The following PDE5A variants were observed in gnomAD, a reference collection of about 807,000 sequenced individuals.
PDE5A encodes cGMP-specific 3',5'-cyclic phosphodiesterase.
A neutral mutation model predicts 110.2 loss-of-function variants in PDE5A; 67 were observed. The ratio of observed to expected loss-of-function variants is 0.61; its 90% CI spans 0.50 to 0.75. The LOEUF is 0.75. Ranked by LOEUF, PDE5A falls within the 30% of genes least tolerant of loss-of-function variation. The pLI is 0.00. For synonymous variants in PDE5A, 328 were observed against 351.2 expected (o/e 0.93, Z 0.74); for missense variants, 862 against 1,045.1 (o/e 0.82, Z 2.42).
At chr4:119,550,079 G>A (rs998047051) in intron 9 of PDE5A, 1 of 152,138 alleles carries the variant, frequency 6.6e-6, no homozygotes, top group African/African-American at 2.4e-5. Flanking sequence ...TACAACTGTA[G>A]GTACATAAGT....
At chr4:119,552,445 A>T in intron 9 of PDE5A, 105 bp downstream of exon 9, 1 of 437,496 alleles carries the variant, frequency 2.3e-6, no homozygotes, top group Non-Finnish European at 4.1e-6. Context: ...TCCAAATTTT[A>T]TCTTTTTTAA....
chr4:119,562,114 T>C (rs1727764307), intron 6 of PDE5A, among the ~76,000 whole-genome samples: 1 of 152,164 alleles, frequency 6.6e-6, no homozygotes, highest in South Asian at 2.1e-4. Flanking sequence ...CAGTGGTTCA[T>C]AGGTTGAGAA....
chr4:119,553,815 A>G (rs983589950), intron 7 of PDE5A, 69 bp from the exon 8 acceptor site: 3 of 784,452 alleles, frequency 3.8e-6, no homozygotes, highest in African/African-American at 3.5e-5. Flanking sequence ...AGTTAAATAA[A>G]TGATTAAGGG....
At chr4:119,505,978 G>T in intron 16 of PDE5A, 46 bp from the exon 17 acceptor site, 1 of 1,069,074 alleles carries the variant, frequency 9.4e-7, no homozygotes, top group South Asian at 1.6e-5. Context: ...AGTACCCAGG[G>T]TCTTATCCCT....
At position 119,607,104 on chromosome 4, in the gene PDE5A, T is replaced by C; in HGVS notation, c.346A>G (p.Lys116Glu). The change falls in exon 2 of 21, where the codon AAG becomes GAG. Residue 116 changes from lysine (K) to glutamate (E), a missense_variant. By Grantham distance (56) the Lys-to-Glu change is moderately conservative. Transcript: ENST00000354960. ...AAGCTCACAGTTCCCTCAGAATCCT[T>C]GACAACAATGGGTCTAAGAGGCCGG... is the stretch of plus-strand genomic sequence containing the variant. The part of the protein sequence containing the change: ...FDRPLRPIVV[K>E]DSEGTVSFLS... 3 of 1,614,184 alleles carry C rather than the reference T, an allele frequency of 1.9e-6. No homozygotes were observed. Among genetic ancestry groups the C allele is most frequent in the Non-Finnish European group, 1.7e-6 (2 of 1,180,024 alleles).
At chr4:119,506,056 G>C (rs1725543035) in intron 16 of PDE5A, 124 bp from the exon 17 acceptor site, 2 of 473,262 alleles carry the variant, frequency 4.2e-6, no homozygotes, top group East Asian at 7.1e-5. Flanking sequence ...TCCCATCTTA[G>C]AGCCCACTAT....
At chr4:119,546,646 A>T in intron 9 of PDE5A, among the ~76,000 whole-genome samples, 1 of 75,872 alleles carries the variant, frequency 1.3e-5, no homozygotes, top group Middle Eastern at 7.9e-3. Flanking sequence ...CAACCTCCCC[A>T]CCCCCACCCA....
intron 3 of PDE5A, among the ~76,000 whole-genome samples, chr4:119,595,583 G>A (rs1293345329): frequency 3.3e-5 from 5 of 152,086 alleles, no homozygotes; most frequent in African/African-American, 7.2e-5. Context: ...CTCTCTCTTC[G>A]GAAGCTGGGA....
chr4:119,502,350 A>G (rs1725376880), intron 19 of PDE5A: 1 of 328,812 alleles, frequency 3.0e-6, no homozygotes, highest in Non-Finnish European at 5.5e-6. Flanking sequence ...AAAAAAACAA[A>G]TTACAAAGAA....
chr4:119,515,359 T>A (rs1725874509), intron 14 of PDE5A, among the ~76,000 whole-genome samples: 2 of 152,152 alleles, frequency 1.3e-5, no homozygotes, highest in African/African-American at 4.8e-5. Context: ...CTGTCCTCTA[T>A]TAGAGCAGAG....
chr4:119,525,444 A>G lies in PDE5A; in HGVS notation c.1779+105T>C. 9.3e-7 allele frequency: 1 copy of G among 1,072,670 alleles called. No individual in the cohort carries two copies. Among genetic ancestry groups the G allele is most frequent in the Non-Finnish European group, 1.3e-6 (1 of 749,916 alleles). 66.4% of individuals were successfully genotyped at this position (1,072,670 alleles called of 1,614,324 possible). On this transcript the variant is annotated intron_variant, in intron 12 of 20. Transcript: ENST00000354960. The surrounding 1 kb of genome is among the most constrained non-coding windows in gnomAD (Gnocchi z 4.3). ...AGGTGACAGTATATTAATCACTAAA[A>G]TGTAAAAATCCCTATTCCATATTTG...
chr4:119,579,791 GTAAC>G (rs1406111570), intron 3 of PDE5A, among the ~76,000 whole-genome samples: 1 of 151,634 alleles, frequency 6.6e-6, no homozygotes, highest in East Asian at 1.9e-4. Flanking sequence ...GTATACATAT[GTAAC>G]TAACCTGCAT....
intron 1 of PDE5A, among the ~76,000 whole-genome samples, chr4:119,609,105 T>A (rs562371574): frequency 4.0e-4 from 61 of 151,344 alleles, no homozygotes; most frequent in Non-Finnish European, 6.2e-4. Flanking sequence ...GAGCTTGGAG[T>A]GAGCTGAGAT....
chr4:119,554,605 T>C (rs911798564), intron 7 of PDE5A, among the ~76,000 whole-genome samples: 1 of 152,130 alleles, frequency 6.6e-6, no homozygotes, highest in African/African-American at 2.4e-5. Flanking sequence ...CTTATTTTAA[T>C]TGTAATATCA....
rs199561338 is a variant in PDE5A, at chr4:119,589,617, CT to C, written c.831+6905del. Among the ~76,000 whole-genome samples the C allele has an allele frequency of 5.5e-3, 828 of 151,838 alleles. 4 individuals carry two copies. Among genetic ancestry groups the C allele is most frequent in the African/African-American group, 0.019 (793 of 41,410 alleles). On this transcript the variant is annotated intron_variant, in intron 3 of 20. Transcript: ENST00000354960. ...GCCGTAAAAATTCACATACCTGTAA[CT>C]TTTTTTTTCATTATGCTTCATTTGT...
intron 3 of PDE5A, among the ~76,000 whole-genome samples, chr4:119,581,665 C>A (rs150679507): frequency 1.2e-3 from 189 of 152,278 alleles, no homozygotes; most frequent in Non-Finnish European, 2.0e-3. Flanking sequence ...AAAGACATGA[C>A]CTCTTCTCCA....
At chr4:119,616,951 GATTAA>G (rs1175493823) in intron 1 of PDE5A, among the ~76,000 whole-genome samples, 5 of 152,084 alleles carry the variant, frequency 3.3e-5, no homozygotes, top group Non-Finnish European at 5.9e-5. Flanking sequence ...TTAAGTTAAT[GATTAA>G]ATTAAATAGT....
chr4:119,614,992 C>T (rs1368584946), intron 1 of PDE5A, among the ~76,000 whole-genome samples: 1 of 152,128 alleles, frequency 6.6e-6, no homozygotes, highest in African/African-American at 2.4e-5. Flanking sequence ...GAATATTAGA[C>T]TAACAATCAG....
At chr4:119,577,662 A>T (rs1350372808) in intron 3 of PDE5A, among the ~76,000 whole-genome samples, 1 of 152,186 alleles carries the variant, frequency 6.6e-6, no homozygotes, top group Non-Finnish European at 1.5e-5. Flanking sequence ...ACTCTCAATA[A>T]ATTAGGTATT....
Sources: allele counts gnomAD v4.1 joint callset (sites outside exome capture counted in the v4.1 genomes callset), GRCh38; gene constraint gnomAD v4.1.1; non-coding constraint Gnocchi (gnomAD v3.1); transcripts MANE v1.5; gene names NCBI Gene and HGNC (gene_info 2026-07-23, HGNC 2026-07-21).